Variants in RALGPS2 observed in about 807,000 individuals in gnomAD.
RALGPS2 encodes the protein Ral GEF with PH domain and SH3 binding motif 2, also known as ras-specific guanine nucleotide-releasing factor RalGPS2.
A neutral mutation model predicts 86.8 loss-of-function variants in RALGPS2; 43 were observed. The observed-to-expected ratio is 0.50, with a 90% CI of 0.39 to 0.64. The LOEUF (loss-of-function observed/expected upper bound fraction) is 0.64, where lower values mean the gene tolerates loss of function less well. Ranked by LOEUF, RALGPS2 falls within the 30% of genes least tolerant of loss-of-function variation. The pLI is 0.00. For synonymous variants in RALGPS2, 243 were observed against 231.3 expected (o/e 1.05, Z -0.46); for missense variants, 536 against 694.6 (o/e 0.77, Z 2.57).
chr1:178,788,306 T>C (rs1430406031), intron 4 of RALGPS2, among the ~76,000 whole-genome samples: 2 of 152,210 alleles, frequency 1.3e-5, no homozygotes, highest in Non-Finnish European at 2.9e-5. Context: ...ATTGTATGCC[T>C]ATTTTATGCA....
chr1:178,830,195 T>C (rs1322649530), intron 7 of RALGPS2, among the ~76,000 whole-genome samples: 1 of 152,212 alleles, frequency 6.6e-6, no homozygotes, highest in African/African-American at 2.4e-5. Flanking sequence ...GTATATGCAA[T>C]TTAAATTTGT....
chr1:178,737,004 T>TTATG (rs1207291708), intron 1 of RALGPS2, among the ~76,000 whole-genome samples: 1 of 152,204 alleles, frequency 6.6e-6, no homozygotes, highest in Non-Finnish European at 1.5e-5. Context: ...TAAGAAGTCT[T>TTATG]TATGTATTAA....
intron 8 of RALGPS2, among the ~76,000 whole-genome samples, chr1:178,846,691 A>G (rs1424699134): frequency 1.3e-5 from 2 of 152,214 alleles, no homozygotes; most frequent in East Asian, 3.8e-4. Flanking sequence ...TTCTAAAAAA[A>G]TAAGAACAGC....
rs1161349817 is a variant in RALGPS2, at chr1:178,916,433, A to G, written c.*74A>G. The stretch of plus-strand genomic sequence containing the variant: ...AGGACCTGATAAAAGAGCGCCAGCT[A>G]TAAACCATCCTGTGCCAGGAAGAGC... On this transcript the variant is annotated 3_prime_UTR_variant, in exon 20 of 20. Transcript: ENST00000367635. The G allele has an allele frequency of 7.1e-7, 1 of 1,414,818 alleles. No homozygotes were observed. Among genetic ancestry groups the G allele is most frequent in the Non-Finnish European group, 9.8e-7 (1 of 1,021,490 alleles). 87.6% of individuals were successfully genotyped at this position (1,414,818 alleles called of 1,614,324 possible). A position where few individuals can be genotyped will look rare whatever the true frequency, so the allele number is the denominator to read the frequency against.
intron 7 of RALGPS2, among the ~76,000 whole-genome samples, chr1:178,825,477 G>A (rs1655704598): frequency 6.6e-6 from 1 of 152,110 alleles, no homozygotes; most frequent in Admixed American, 6.5e-5. Context: ...TGGAGCAGAA[G>A]TCCAGAAACT....
chr1:178,809,353 A>G (rs979608714), intron 5 of RALGPS2, among the ~76,000 whole-genome samples: 1 of 151,894 alleles, frequency 6.6e-6, no homozygotes, highest in Non-Finnish European at 1.5e-5. Context: ...GAGGCCTTGT[A>G]TTATGTCTTT....
At chr1:178,812,655 A>G (rs1655036987) in intron 6 of RALGPS2, among the ~76,000 whole-genome samples, 1 of 152,238 alleles carries the variant, frequency 6.6e-6, no homozygotes, top group Admixed American at 6.5e-5. Flanking sequence ...ACTAAGAAGT[A>G]TGGTAATTGT....
intron 4 of RALGPS2, among the ~76,000 whole-genome samples, chr1:178,796,197 G>A (rs940108236): frequency 6.6e-6 from 1 of 152,148 alleles, no homozygotes; most frequent in South Asian, 2.1e-4. Context: ...GCCTGTATCT[G>A]TGATCTCATT....
intron 1 of RALGPS2, among the ~76,000 whole-genome samples, chr1:178,752,875 TTC>T (rs912472958): frequency 6.6e-6 from 1 of 152,176 alleles, no homozygotes; most frequent in Non-Finnish European, 1.5e-5. Flanking sequence ...AGTATGGTCT[TTC>T]TCTCTCTCTT....
In RALGPS2 at chr1:178,900,757, A is replaced by G. The variant is rs529617877; in HGVS notation, c.1525-1349A>G. Among the ~76,000 whole-genome samples, 4 of 152,142 alleles carry G rather than the reference A, an allele frequency of 2.6e-5. No homozygotes were observed. In the South Asian group the frequency reaches 8.3e-4, roughly 31 times the overall value. On this transcript the variant is annotated intron_variant, in intron 17 of 19. Transcript: ENST00000367635. ...CAGCAATGACACAAACCTCTGATAT[A>G]ATAAATGCATAGAATAAGGTCTGGA...
chr1:178,878,808 G>A, intron 9 of RALGPS2, 94 bp from the exon 10 acceptor site: 2 of 1,512,958 alleles, frequency 1.3e-6, no homozygotes, highest in Non-Finnish European at 8.8e-7. Flanking sequence ...CTGCCATGTG[G>A]CCTTAATTTA....
chr1:178,909,713 G>A (rs917733272), intron 19 of RALGPS2, among the ~76,000 whole-genome samples: 3 of 144,108 alleles, frequency 2.1e-5, no homozygotes, highest in Middle Eastern at 3.3e-3. Context: ...GCAGTGGCGC[G>A]GTCTCGGCTC....
intron 16 of RALGPS2, among the ~76,000 whole-genome samples, chr1:178,896,602 A>G (rs1324198496): frequency 1.3e-5 from 2 of 149,248 alleles, no homozygotes; most frequent in African/African-American, 5.0e-5. Context: ...ATATCTCCCG[A>G]TGCTATCCCT....
At position 178,886,088 on chromosome 1, in the gene RALGPS2, A is replaced by G. The variant is rs1193686294; in HGVS notation, c.1160A>G (p.Glu387Gly). Residue 387 changes from glutamate to glycine, a missense_variant, in exon 13 of 20, where the codon GAA becomes GGA. Glu to Gly is a moderately conservative substitution (Grantham distance 98). Around this residue, in one of 3 missense-constraint regions of RALGPS2, gnomAD observed 309 missense variants for 363.0 expected, o/e 0.85. Transcript: ENST00000367635. The part of the protein sequence containing the change: ...EPHAPSRGQA[E>G]SSTLSSGISI... ...CATGCGCCATCTCGAGGCCAAGCTG[A>G]AAGTTCTACTCTTTCTAGTGGAATA... is the stretch of plus-strand genomic sequence containing the variant. The G allele has an allele frequency of 6.2e-7, 1 of 1,613,538 alleles. No homozygotes were observed. The highest frequency in any genetic ancestry group is 1.7e-5 in the Admixed American group (1 of 59,914).
At chr1:178,775,226 T>A (rs1003928749) in intron 1 of RALGPS2, among the ~76,000 whole-genome samples, 2 of 152,124 alleles carry the variant, frequency 1.3e-5, no homozygotes, top group Admixed American at 6.5e-5. Context: ...ATTTTATAGA[T>A]GAGAAAACTG....
intron 18 of RALGPS2, 147 bp downstream of exon 18, chr1:178,902,358 A>G: frequency 1.8e-6 from 1 of 562,704 alleles, no homozygotes; most frequent in East Asian, 2.9e-5. Context: ...GTTTCACTGG[A>G]ATACTCAAGA....
chr1:178,904,464 T>G (rs139494993), intron 18 of RALGPS2, among the ~76,000 whole-genome samples: 3,234 of 152,322 alleles, frequency 0.021, 39 homozygotes, highest in Middle Eastern at 0.041. Flanking sequence ...TGTTGTCTTC[T>G]AGAATTTTTA....
intron 5 of RALGPS2, among the ~76,000 whole-genome samples, chr1:178,809,903 G>A (rs1036103871): frequency 2.2e-4 from 33 of 152,146 alleles, no homozygotes; most frequent in African/African-American, 8.0e-4. Flanking sequence ...AGTGATATAC[G>A]TCCTAACTTT....
At chr1:178,876,753 ATAAACT>A (rs901406835) in intron 8 of RALGPS2, among the ~76,000 whole-genome samples, 5 of 152,164 alleles carry the variant, frequency 3.3e-5, no homozygotes, top group African/African-American at 7.2e-5. Flanking sequence ...CTCTCCAGAA[ATAAACT>A]TAAATAAGTG....
Sources: allele counts gnomAD v4.1 joint callset (sites outside exome capture counted in the v4.1 genomes callset), GRCh38; gene constraint gnomAD v4.1.1; regional missense constraint gnomAD v4.1.1; transcripts MANE v1.5; gene names NCBI Gene and HGNC (gene_info 2026-07-23, HGNC 2026-07-21).